Variants in OPCML observed in about 807,000 individuals in gnomAD.
OPCML encodes opioid binding protein/cell adhesion molecule like, also known as opioid-binding protein/cell adhesion molecule.
Under a neutral mutation model 37.8 loss-of-function variants are expected in OPCML, and 13 were observed. That is an observed-to-expected ratio of 0.34 (90% CI 0.22 to 0.55). The LOEUF (loss-of-function observed/expected upper bound fraction) is 0.55. OPCML is among the 20% of genes least tolerant of loss of function. The pLI, the probability that OPCML is intolerant of heterozygous loss-of-function variation, is 0.91. For synonymous variants in OPCML, 176 were observed against 168.8 expected, an observed-to-expected ratio of 1.04 and a Z score of -0.33; for missense variants, 341 against 435.6, an observed-to-expected ratio of 0.78 and a Z score of 1.93.
Position 133,435,595 on chromosome 11 carries a change from A to G in OPCML, c.61+96669T>C, listed in dbSNP as rs552464297. 1.1e-3 allele frequency among the ~76,000 whole-genome samples: 165 copies of G among 152,344 alleles called. 1 individual carries two copies. The highest frequency in any genetic ancestry group is 1.0e-3 in the Non-Finnish European group (69 of 68,038). The stretch of plus-strand genomic sequence containing the variant: ...TATTAATAGGCTTTCTAGAGATCAA[A>G]AAAGTGGATTCCAATTTCCAATGAA... On this transcript the variant is annotated intron_variant, in intron 1 of 7. Coordinates refer to ENST00000524381, the MANE Select transcript of OPCML (RefSeq NM_001012393.5).
chr11:133,333,276 C>T (rs530582831), intron 1 of OPCML, among the ~76,000 whole-genome samples: 16 of 152,232 alleles, frequency 1.1e-4, no homozygotes, highest in African/African-American at 3.4e-4. Flanking sequence ...CCAGGCTGGT[C>T]TCAAACTCCT....
At chr11:132,492,067 G>A (rs568689710) in intron 4 of OPCML, among the ~76,000 whole-genome samples, 2 of 152,032 alleles carry the variant, frequency 1.3e-5, no homozygotes, top group Non-Finnish European at 2.9e-5. Flanking sequence ...GAAGGAGCAG[G>A]CAACTGGTGT....
intron 1 of OPCML, among the ~76,000 whole-genome samples, chr11:133,077,367 G>A (rs903412527): frequency 6.6e-6 from 1 of 151,992 alleles, no homozygotes; most frequent in African/African-American, 2.4e-5. Context: ...TTTCTGAGTA[G>A]GAAGTGGAAA....
rs2096016764 is a variant in OPCML at position 132,437,353 on chromosome 11, T to G, written c.512A>C (p.Gln171Pro). The change falls in exon 5 of 8, where the codon CAG (glutamine) becomes CCG (proline). Residue 171 changes from glutamine (Q) to proline (P), a missense_variant. Coordinates refer to ENST00000524381, the MANE Select transcript of OPCML (RefSeq NM_001012393.5). ...TWRHLSVKEG[Q>P]GFVSEDEYLE... is the part of the protein sequence containing the mutation. ...GTACTCATCCTCACTTACAAAGCCC[T>G]GGCCTTCTGGGAAGAAAGAAGCAGA... The G allele has an allele frequency of 6.2e-7, 1 of 1,614,076 alleles. No homozygotes were observed. Among genetic ancestry groups the G allele is most frequent in the Non-Finnish European group, 8.5e-7 (1 of 1,179,992 alleles).
intron 1 of OPCML, among the ~76,000 whole-genome samples, chr11:133,150,348 A>T (rs190041363): frequency 2.0e-5 from 3 of 152,302 alleles, no homozygotes; most frequent in Non-Finnish European, 4.4e-5. Context: ...TTCATTTTGC[A>T]GATGAAGAAT....
At chr11:133,451,668 C>A (rs1481730257) in intron 1 of OPCML, among the ~76,000 whole-genome samples, 1 of 148,066 alleles carries the variant, frequency 6.8e-6, no homozygotes, top group Non-Finnish European at 1.5e-5. Flanking sequence ...AGTGGTGAAA[C>A]CCTGTCTCTA....
intron 2 of OPCML, among the ~76,000 whole-genome samples, chr11:132,896,060 C>T (rs1284258136): frequency 6.6e-6 from 1 of 152,090 alleles, no homozygotes; most frequent in African/African-American, 2.4e-5. Context: ...AGCCGAGGTC[C>T]TCAATTTAAC....
chr11:133,028,303 T>C (rs1399991058), intron 1 of OPCML, among the ~76,000 whole-genome samples: 1 of 152,068 alleles, frequency 6.6e-6, no homozygotes, highest in South Asian at 2.1e-4. Context: ...TGTGGCAGCC[T>C]GGGGAAGCAT....
chr11:132,581,841 G>C (rs1186489831), intron 3 of OPCML, among the ~76,000 whole-genome samples: 1 of 151,992 alleles, frequency 6.6e-6, no homozygotes, highest in African/African-American at 2.4e-5. Context: ...GGAAGCCCCA[G>C]TGTATTATCT....
intron 4 of OPCML, among the ~76,000 whole-genome samples, chr11:132,528,516 A>G (rs773252743): frequency 5.3e-5 from 8 of 152,170 alleles, no homozygotes; most frequent in Non-Finnish European, 1.2e-4. Context: ...TGATGTTTTC[A>G]TACCAATTAT....
At chr11:132,902,462 C>A (rs57377914) in intron 2 of OPCML, among the ~76,000 whole-genome samples, 2,337 of 152,260 alleles carry the variant, frequency 0.015, 52 homozygotes, top group African/African-American at 0.053. Flanking sequence ...TGTTGAGCGG[C>A]CTGCAGTGCA....
chr11:133,527,254 G>A (rs1156645947), intron 1 of OPCML, among the ~76,000 whole-genome samples: 1 of 152,188 alleles, frequency 6.6e-6, no homozygotes, highest in Non-Finnish European at 1.5e-5. Flanking sequence ...ACAAAGCAAC[G>A]TTTTGAGAGA....
At chr11:133,003,652 C>G in intron 1 of OPCML, 1 of 985,206 alleles carries the variant, frequency 1.0e-6, no homozygotes, top group Non-Finnish European at 1.2e-6. Context: ...TTTTGTGGAA[C>G]ATACTAAAAA....
chr11:133,069,969 C>A (rs1190559738), intron 1 of OPCML, among the ~76,000 whole-genome samples: 1 of 152,056 alleles, frequency 6.6e-6, no homozygotes, highest in African/African-American at 2.4e-5. Context: ...TCCCCAGCTC[C>A]CTGCTAAATT....
At chr11:133,257,116 G>A (rs916441987) in intron 1 of OPCML, among the ~76,000 whole-genome samples, 8 of 152,044 alleles carry the variant, frequency 5.3e-5, no homozygotes, top group East Asian at 3.8e-4. Flanking sequence ...ACCCTACCTC[G>A]GTCCACTCCA....
chr11:133,390,487 A>C (rs61912398), intron 1 of OPCML, among the ~76,000 whole-genome samples: 3,559 of 152,224 alleles, frequency 0.023, 64 homozygotes, highest in Middle Eastern at 0.054. Context: ...CAACGACAAC[A>C]ACAAAAAAGG....
At chr11:133,481,298 A>C (rs1947365332) in intron 1 of OPCML, among the ~76,000 whole-genome samples, 1 of 152,166 alleles carries the variant, frequency 6.6e-6, no homozygotes, top group African/African-American at 2.4e-5. Flanking sequence ...AATAATAAGA[A>C]TCTAATCACC....
chr11:133,432,515 A>G (rs574235547), intron 1 of OPCML, among the ~76,000 whole-genome samples: 205 of 152,226 alleles, frequency 1.3e-3, no homozygotes, highest in African/African-American at 4.9e-3. Context: ...AGCTGGGATT[A>G]TAGGCACGAG....
chr11:133,135,544 A>C (rs1949676325), intron 1 of OPCML, among the ~76,000 whole-genome samples: 1 of 150,626 alleles, frequency 6.6e-6, no homozygotes, highest in African/African-American at 2.4e-5. Context: ...GTCCCTACCC[A>C]GTTGAATTTT....
Sources: gnomAD v4.1 joint callset for allele counts (sites outside exome capture counted in the v4.1 genomes callset) on GRCh38, gnomAD v4.1.1 for gene constraint, MANE v1.5 for transcripts, NCBI Gene and HGNC (gene_info 2026-07-23, HGNC 2026-07-21) for gene names.